Variants in SLC22A16 observed in about 807,000 individuals in gnomAD.
SLC22A16 encodes the protein solute carrier family 22 member 16.
In SLC22A16, 53 loss-of-function variants were observed where a neutral mutation model predicts 52.9. The ratio of observed to expected loss-of-function variants is 1.00; its 90% CI spans 0.80 to 1.26. The LOEUF (loss-of-function observed/expected upper bound fraction) is 1.26. Among genes scored for constraint, SLC22A16 ranks in the 50% most tolerant of loss-of-function variants. The pLI, the probability that SLC22A16 is intolerant of heterozygous loss-of-function variation, is 0.00. For synonymous variants in SLC22A16, 291 were observed against 268.8 expected (o/e 1.08, Z -0.81); for missense variants, 726 against 704.0 (o/e 1.03, Z -0.35).
chr6:110,454,734 CATATA>C (rs1272039337), intron 2 of SLC22A16, among the ~76,000 whole-genome samples: 1 of 57,472 alleles, frequency 1.7e-5, no homozygotes. Context: ...ATTATATGTA[CATATA>C]ATATATATAT....
intron 2 of SLC22A16, among the ~76,000 whole-genome samples, chr6:110,450,013 G>T (rs1775312542): frequency 6.6e-6 from 1 of 152,056 alleles, no homozygotes; most frequent in Non-Finnish European, 1.5e-5. Context: ...TTTCCCTTGG[G>T]GGCCTTCTCC....
chr6:110,460,301 G>A (rs1167677272), intron 1 of SLC22A16, among the ~76,000 whole-genome samples: 1 of 152,152 alleles, frequency 6.6e-6, no homozygotes, highest in Non-Finnish European at 1.5e-5. Flanking sequence ...CTTTCTTTAT[G>A]TGGATCATAT....
intron 1 of SLC22A16, among the ~76,000 whole-genome samples, chr6:110,458,772 C>A (rs1775761380): frequency 6.6e-6 from 1 of 152,138 alleles, no homozygotes; most frequent in South Asian, 2.1e-4. Flanking sequence ...CAAATTTATT[C>A]TCTGCATGAG....
intron 3 of SLC22A16, among the ~76,000 whole-genome samples, chr6:110,444,903 G>A (rs185040660): frequency 9.3e-4 from 141 of 152,256 alleles, no homozygotes; most frequent in African/African-American, 3.2e-3. Flanking sequence ...GTTAAATTAA[G>A]CTGTAATATT....
At chr6:110,454,640 TATATATTTTA>T (rs1562292374) in intron 2 of SLC22A16, among the ~76,000 whole-genome samples, 1,517 of 50,858 alleles carry the variant, frequency 0.03, 19 homozygotes, top group Non-Finnish European at 0.039. Context: ...TTATATATAT[TATATATTTTA>T]TATATATTAT....
chr6:110,452,090 A>G (rs1775400783), intron 2 of SLC22A16, among the ~76,000 whole-genome samples: 1 of 152,176 alleles, frequency 6.6e-6, no homozygotes, highest in Non-Finnish European at 1.5e-5. Context: ...CTATTCCAGG[A>G]ACCTCTAAGG....
At chr6:110,444,935 T>C (rs1378831614) in intron 3 of SLC22A16, among the ~76,000 whole-genome samples, 1 of 152,204 alleles carries the variant, frequency 6.6e-6, no homozygotes. Flanking sequence ...GGTTTTTCAA[T>C]GCTAATTATT....
At chr6:110,440,081 A>G (rs1179411687) in intron 4 of SLC22A16, 1 of 152,234 alleles carries the variant, frequency 6.6e-6, no homozygotes, top group Non-Finnish European at 1.5e-5. Context: ...TCTGATCAGC[A>G]CAGGAATTTT....
At chr6:110,472,572 C>G (rs1005555879) in intron 1 of SLC22A16, among the ~76,000 whole-genome samples, 1 of 152,136 alleles carries the variant, frequency 6.6e-6, no homozygotes, top group Admixed American at 6.5e-5. Flanking sequence ...TTTCCATGTG[C>G]TAGAAAGGTC....
At position 110,431,190 on chromosome 6, in the gene SLC22A16, A is replaced by T. The variant is rs990505282; in HGVS notation, c.1502T>A (p.Ile501Asn). The change falls in exon 7 of 8, where the codon ATT (isoleucine) becomes AAT (asparagine). Residue 501 changes from isoleucine to asparagine, a missense_variant. Coordinates refer to ENST00000368919, the MANE Select transcript of SLC22A16 (RefSeq NM_033125.4). ...LAPFSVDLSSIWIFIPQLFVG... is the reference protein window; with the variant it reads ...LAPFSVDLSSNWIFIPQLFVG... ...GCACACCTGTGGTATGAAGATCCAA[A>T]TGCTGCTGAGGTCCACAGAGAACGG... is the stretch of plus-strand genomic sequence containing the variant. The T allele has an allele frequency of 4.3e-6, 7 of 1,613,936 alleles. No homozygotes were observed. The East Asian group carries it at 1.3e-4, about 31-fold the overall frequency.
chr6:110,476,378 G>GC, intron 1 of SLC22A16, 144 bp downstream of exon 1: 1 of 1,365,866 alleles, frequency 7.3e-7, no homozygotes, highest in South Asian at 1.8e-5. Context: ...GCGTCTGGAC[G>GC]CCCGTGTCCC....
chr6:110,438,786 TCTC>T lies in SLC22A16; in HGVS notation c.1242_1244del (p.Arg415del), dbSNP rs945492007. On this transcript the variant is annotated inframe_deletion, in exon 5 of 8. Coordinates refer to ENST00000368919, the MANE Select transcript of SLC22A16 (RefSeq NM_033125.4). ...AGAAAAGAGAGTAGGCCAGGACTGTTCTCCTCCCGACCTTGTCCATGGCGATGC... is the reference window on the plus strand; with the variant it reads ...AGAAAAGAGAGTAGGCCAGGACTGTTCTCCCGACCTTGTCCATGGCGATGC... 4.3e-6 allele frequency: 7 copies of T among 1,613,896 alleles called. No homozygotes were observed. Among genetic ancestry groups the T allele is most frequent in the Non-Finnish European group, 5.9e-6 (7 of 1,180,006 alleles).
At chr6:110,425,324 G>A (rs1429088567) in intron 7 of SLC22A16, 10 of 1,442,548 alleles carry the variant, frequency 6.9e-6, no homozygotes, top group East Asian at 3.3e-5. Flanking sequence ...ACCATGGAGT[G>A]CCTCCTTAAT....
chr6:110,443,028 T>A (rs1477711503), intron 3 of SLC22A16, among the ~76,000 whole-genome samples: 1 of 152,236 alleles, frequency 6.6e-6, no homozygotes, highest in African/African-American at 2.4e-5. Flanking sequence ...ATGTTAGACA[T>A]TGTCTTTTGT....
intron 7 of SLC22A16, 57 bp downstream of exon 7, chr6:110,431,114 G>T: frequency 7.2e-7 from 1 of 1,387,048 alleles, no homozygotes; most frequent in Non-Finnish European, 1.0e-6. Flanking sequence ...GTTGCTAATA[G>T]GCAATTAGAA....
intron 6 of SLC22A16, among the ~76,000 whole-genome samples, chr6:110,432,038 G>A (rs1774527562): frequency 6.6e-6 from 1 of 152,094 alleles, no homozygotes; most frequent in South Asian, 2.1e-4. Flanking sequence ...ATATCTTAAT[G>A]TGCTTTTCTT....
intron 1 of SLC22A16, among the ~76,000 whole-genome samples, chr6:110,468,335 C>T (rs756914668): frequency 3.3e-5 from 5 of 152,104 alleles, no homozygotes; most frequent in Non-Finnish European, 5.9e-5. Context: ...TAATATGTCC[C>T]TGCCAGTAGT....
At chr6:110,457,514 A>G (rs1775710155) in intron 1 of SLC22A16, among the ~76,000 whole-genome samples, 2 of 152,228 alleles carry the variant, frequency 1.3e-5, no homozygotes, top group African/African-American at 4.8e-5. Flanking sequence ...GCTGTTCCAT[A>G]TAATAAAATA....
rs536785221 is a variant in SLC22A16 at position 110,456,310 on chromosome 6, G to T, written c.533+228C>A. On this transcript the variant is annotated intron_variant, in intron 2 of 7. Transcript: ENST00000368919. ...CAGGTAAGTTAGGCAATTTGCCTGGGGTCCACAGTTAATAAGTGGTAGAAC... is the reference window on the plus strand; with the variant it reads ...CAGGTAAGTTAGGCAATTTGCCTGGTGTCCACAGTTAATAAGTGGTAGAAC... The T allele has an allele frequency of 1.1e-5, 6 of 533,800 alleles. No individual in the cohort carries two copies. The East Asian group carries it at 1.9e-4, about 17-fold the overall frequency. 33.1% of individuals were successfully genotyped at this position (533,800 alleles called of 1,614,324 possible).
Sources: gnomAD v4.1 joint callset for allele counts (sites outside exome capture counted in the v4.1 genomes callset) on GRCh38, gnomAD v4.1.1 for gene constraint, MANE v1.5 for transcripts, NCBI Gene and HGNC (gene_info 2026-07-23, HGNC 2026-07-21) for gene names.